Variants in PCDH9 observed in about 807,000 individuals in gnomAD.
The protein encoded by PCDH9 is protocadherin 9.
Under a neutral mutation model 70.6 loss-of-function variants are expected in PCDH9, and 24 were observed. That is an observed-to-expected ratio of 0.34 (90% confidence interval 0.25 to 0.48). The LOEUF is 0.48. Among genes scored for constraint, PCDH9 ranks in the 20% least tolerant of loss-of-function variants. The pLI, the probability that PCDH9 is intolerant of heterozygous loss-of-function variation, is 0.99. For missense variants in PCDH9, 1,281 were observed against 1,503.6 expected, an observed-to-expected ratio of 0.85 and a Z score of 2.45; for synonymous variants, 562 against 558.5, an observed-to-expected ratio of 1.01 and a Z score of -0.09.
chr13:66,803,927 T>G (rs1365055162), intron 3 of PCDH9, among the ~76,000 whole-genome samples: 2 of 152,166 alleles, frequency 1.3e-5, no homozygotes, highest in Non-Finnish European at 2.9e-5. Context: ...CTGTGTGATT[T>G]TCTTGGTGTA....
At chr13:66,937,047 A>T (rs1368115604) in intron 2 of PCDH9, among the ~76,000 whole-genome samples, 7 of 152,204 alleles carry the variant, frequency 4.6e-5, no homozygotes, top group African/African-American at 1.7e-4. Context: ...ATAAGTATGC[A>T]TGATCATCGT....
chr13:66,806,042 A>C (rs1594084660), intron 3 of PCDH9, among the ~76,000 whole-genome samples: 1 of 152,288 alleles, frequency 6.6e-6, no homozygotes, highest in East Asian at 1.9e-4. Context: ...ATATGTTTTT[A>C]ATAGTTCTAA....
At chr13:66,729,563 GT>G (rs2079046168) in intron 3 of PCDH9, among the ~76,000 whole-genome samples, 1 of 152,068 alleles carries the variant, frequency 6.6e-6, no homozygotes, top group African/African-American at 2.4e-5. Context: ...TCTGATGATT[GT>G]TTTAGCCTTT....
chr13:66,315,289 G>A (rs1389526867), intron 4 of PCDH9, among the ~76,000 whole-genome samples: 5 of 152,160 alleles, frequency 3.3e-5, no homozygotes, highest in Non-Finnish European at 5.9e-5. Flanking sequence ...GAGACCCTAA[G>A]CACGTCAAGC....
intron 2 of PCDH9, among the ~76,000 whole-genome samples, chr13:67,052,532 T>C (rs559216498): frequency 1.3e-5 from 2 of 151,916 alleles, no homozygotes; most frequent in African/African-American, 4.8e-5. Flanking sequence ...ATTTGCATTA[T>C]AGAAGATCAA....
In PCDH9 at chr13:66,458,079, G is replaced by A. The variant is rs138785012; in HGVS notation, c.3341-153051C>T. ...CCTAACAAACCGTTACATGCAGAGA[G>A]ACAAATCATGCTTTTTTCTGTTAAT... On this transcript the variant is annotated intron_variant, in intron 4 of 4. Coordinates refer to ENST00000377865, the MANE Select transcript of PCDH9 (RefSeq NM_203487.3). Among the ~76,000 whole-genome samples the A allele has an allele frequency of 2.3e-3, 357 of 152,064 alleles. 1 individual carries two copies. The highest frequency in any genetic ancestry group is 8.2e-3 in the African/African-American group (342 of 41,506).
chr13:66,819,438 T>C (rs988724697), intron 3 of PCDH9, among the ~76,000 whole-genome samples: 1 of 152,166 alleles, frequency 6.6e-6, no homozygotes, highest in African/African-American at 2.4e-5. Context: ...TCCTCATCTG[T>C]AGTCCAGATG....
chr13:66,749,793 C>T (rs1423210047), intron 3 of PCDH9, among the ~76,000 whole-genome samples: 1 of 152,088 alleles, frequency 6.6e-6, no homozygotes, highest in Non-Finnish European at 1.5e-5. Flanking sequence ...ATAGGATGAA[C>T]TGGTGACAGA....
At chr13:66,611,382 A>G (rs1452428738) in intron 4 of PCDH9, among the ~76,000 whole-genome samples, 2 of 152,158 alleles carry the variant, frequency 1.3e-5, no homozygotes, top group African/African-American at 4.8e-5. Flanking sequence ...ATTCAAATAA[A>G]GATTGGGAGT....
intron 3 of PCDH9, among the ~76,000 whole-genome samples, chr13:66,811,838 T>C (rs2080514256): frequency 6.6e-6 from 1 of 150,944 alleles, no homozygotes; most frequent in Non-Finnish European, 1.5e-5. Context: ...TTCTTTTCCT[T>C]GGTTACAAAG....
chr13:66,492,838 A>C (rs1959054683), intron 4 of PCDH9, among the ~76,000 whole-genome samples: 1 of 152,238 alleles, frequency 6.6e-6, no homozygotes. Context: ...TGGCGAATAC[A>C]TGAAATATAC....
intron 3 of PCDH9, among the ~76,000 whole-genome samples, chr13:66,860,177 G>C (rs931512644): frequency 6.6e-6 from 1 of 152,156 alleles, no homozygotes; most frequent in African/African-American, 2.4e-5. Context: ...GTCCTGAGTG[G>C]CGTCTGTTTT....
At chr13:66,662,383 G>T (rs560730398) in intron 3 of PCDH9, among the ~76,000 whole-genome samples, 12 of 152,070 alleles carry the variant, frequency 7.9e-5, no homozygotes, top group Admixed American at 2.0e-4. Flanking sequence ...TTAGGCAGGA[G>T]AATTGTTTGA....
rs75230594 is a variant in PCDH9, at chr13:67,106,858, G to A, written c.3036+118547C>T. On this transcript the variant is annotated intron_variant, in intron 2 of 4. Transcript: ENST00000377865. The stretch of plus-strand genomic sequence containing the variant: ...AAAGTTGAGGCTGAGCCCAGGAGCT[G>A]TTGCAACACAGCCCTGTGTGTGGGC... Among the ~76,000 whole-genome samples, 212 of 152,290 alleles carry A rather than the reference G, an allele frequency of 1.4e-3. 4 individuals carry two copies. In the East Asian group the frequency reaches 0.035, roughly 25 times the overall value.
chr13:66,787,119 A>C (rs1403611694), intron 3 of PCDH9, among the ~76,000 whole-genome samples: 2 of 152,182 alleles, frequency 1.3e-5, no homozygotes, highest in Non-Finnish European at 2.9e-5. Flanking sequence ...CCTAGTCTGC[A>C]CTTATTTTTG....
intron 2 of PCDH9, among the ~76,000 whole-genome samples, chr13:67,178,191 C>T (rs887856035): frequency 3.3e-5 from 5 of 151,908 alleles, no homozygotes; most frequent in African/African-American, 9.7e-5. Context: ...TATCTGTATA[C>T]CAAGAGAGAT....
intron 2 of PCDH9, among the ~76,000 whole-genome samples, chr13:66,923,700 C>G (rs1257018086): frequency 1.3e-5 from 2 of 151,574 alleles, no homozygotes; most frequent in Non-Finnish European, 3.0e-5. Flanking sequence ...TGTCACAAAG[C>G]CAATTGGTTA....
In PCDH9 at chr13:66,717,874, C is replaced by T. The variant is rs149723684; in HGVS notation, c.3139-86463G>A. 3.3e-3 allele frequency among the ~76,000 whole-genome samples: 498 copies of T among 152,228 alleles called. 2 individuals are homozygous for T. The highest frequency in any genetic ancestry group is 0.011 in the African/African-American group (475 of 41,534). The stretch of plus-strand genomic sequence containing the variant: ...TTATAAATATGTATCTATTTATTTA[C>T]ACAGACCCACACTTCTCAAGTAGAG... On this transcript the variant is annotated intron_variant, in intron 3 of 4. Transcript: ENST00000377865.
chr13:66,392,002 T>C (rs1957027382), intron 4 of PCDH9, among the ~76,000 whole-genome samples: 1 of 151,470 alleles, frequency 6.6e-6, no homozygotes, highest in Non-Finnish European at 1.5e-5. Flanking sequence ...AGGAAAACAA[T>C]ATATTAATAT....
Sources: allele counts gnomAD v4.1 joint callset (sites outside exome capture counted in the v4.1 genomes callset), GRCh38; gene constraint gnomAD v4.1.1; transcripts MANE v1.5; gene names NCBI Gene and HGNC (gene_info 2026-07-23, HGNC 2026-07-21).